ENTPD1: variants seen among roughly 807,000 people sequenced by gnomAD.
The protein encoded by ENTPD1 is ectonucleoside triphosphate diphosphohydrolase 1.
Under a neutral mutation model 57.0 loss-of-function variants are expected in ENTPD1, and 33 were observed. The ratio of observed to expected loss-of-function variants is 0.58; its 90% CI spans 0.44 to 0.77. The LOEUF (loss-of-function observed/expected upper bound fraction) is 0.77, where lower values mean the gene tolerates loss of function less well. Among genes scored for constraint, ENTPD1 ranks in the 30% least tolerant of loss-of-function variants. The pLI, the probability that ENTPD1 is intolerant of heterozygous loss-of-function variation, is 0.00. For synonymous variants in ENTPD1, 202 were observed against 218.8 expected (o/e 0.92, Z 0.68); for missense variants, 501 against 603.4 (o/e 0.83, Z 1.78).
intron 9 of ENTPD1, 97 bp downstream of exon 9, chr10:95,864,958 T>A: frequency 7.2e-7 from 1 of 1,393,752 alleles, no homozygotes; most frequent in South Asian, 1.3e-5. Context: ...CAGCATGGTG[T>A]AGCTTTGGCT....
Position 95,714,470 on chromosome 10 carries a change from T to C in ENTPD1, c.37+2477T>C, listed in dbSNP as rs1047210625. On this transcript the variant is annotated intron_variant, in intron 1 of 9. Transcript: ENST00000453258. ...ATTGTAACTAACCACTGTTCTCTTT[T>C]GGAGGCATAGTGCCTTAATAAATGT... Among the ~76,000 whole-genome samples the C allele has an allele frequency of 3.3e-5, 5 of 152,354 alleles. No homozygotes were observed. The South Asian group carries it at 8.3e-4, about 25-fold the overall frequency.
At chr10:95,754,296 A>T (rs1039175038), upstream of ENTPD1, 2 of 148,686 alleles carry the variant, frequency 1.3e-5, no homozygotes, top group African/African-American at 2.5e-5. Context: ...AGACAAGAGT[A>T]AAACTCTTGT....
intron 1 of ENTPD1, among the ~76,000 whole-genome samples, chr10:95,739,498 T>G (rs1276277275): frequency 6.6e-6 from 1 of 152,254 alleles, no homozygotes; most frequent in African/African-American, 2.4e-5. Context: ...GTTTCTTTGC[T>G]TATCCATAAG....
At chr10:95,740,694 C>A (rs1395746259) in intron 1 of ENTPD1, among the ~76,000 whole-genome samples, 1 of 152,152 alleles carries the variant, frequency 6.6e-6, no homozygotes, top group Non-Finnish European at 1.5e-5. Context: ...TTCGTGTAGC[C>A]ACTTTCATCA....
chr10:95,698,660 CA>C, the ENTPD1 span, among the ~76,000 whole-genome samples: 5 of 152,234 alleles, frequency 3.3e-5, no homozygotes, highest in African/African-American at 1.2e-4. Flanking sequence ...GCTCACTGCC[CA>C]GGGCCACCTC....
At chr10:95,850,449 T>C (rs1011383001) in intron 7 of ENTPD1, among the ~76,000 whole-genome samples, 1 of 152,172 alleles carries the variant, frequency 6.6e-6, no homozygotes, top group Admixed American at 6.5e-5. Context: ...ATCTACCTCA[T>C]TGATAGTTGT....
chr10:95,815,359 AAC>A (rs1217427265), intron 1 of ENTPD1, among the ~76,000 whole-genome samples: 2 of 152,230 alleles, frequency 1.3e-5, no homozygotes, highest in Admixed American at 1.3e-4. Flanking sequence ...CTTCCTGAGA[AAC>A]ACAGTCTCAG....
the ENTPD1 span, among the ~76,000 whole-genome samples, chr10:95,704,494 A>G: frequency 6.6e-6 from 1 of 152,202 alleles, no homozygotes; most frequent in African/African-American, 2.4e-5. Flanking sequence ...AGACCCACAC[A>G]TATGTAGTCA....
intron 3 of ENTPD1, among the ~76,000 whole-genome samples, chr10:95,841,451 T>G (rs2098422533): frequency 6.6e-6 from 1 of 152,172 alleles, no homozygotes; most frequent in South Asian, 2.1e-4. Flanking sequence ...GGCCTAACAA[T>G]GAAGGATTCT....
At chr10:95,743,260 T>C (rs1003745424) in intron 1 of ENTPD1, among the ~76,000 whole-genome samples, 19 of 152,354 alleles carry the variant, frequency 1.2e-4, no homozygotes, top group African/African-American at 4.3e-4. Flanking sequence ...AGTTATGCAC[T>C]TTTTGGAGGA....
upstream of ENTPD1, among the ~76,000 whole-genome samples, chr10:95,707,042 G>A (rs1173227882): frequency 6.6e-6 from 1 of 152,192 alleles, no homozygotes; most frequent in African/African-American, 2.4e-5. Context: ...TGCAGAGATG[G>A]CCGGGTCCTG....
chr10:95,865,610 A>T (rs936410176), intron 9 of ENTPD1, among the ~76,000 whole-genome samples: 24 of 152,130 alleles, frequency 1.6e-4, no homozygotes, highest in African/African-American at 5.5e-4. Flanking sequence ...GTGTCCTTAC[A>T]CTCTTGTCAG....
chr10:95,819,888 C>T (rs1393672544), intron 1 of ENTPD1, among the ~76,000 whole-genome samples: 1 of 152,172 alleles, frequency 6.6e-6, no homozygotes, highest in Admixed American at 6.5e-5. Context: ...TACCATTTCA[C>T]ATTGTATGAC....
intron 1 of ENTPD1, among the ~76,000 whole-genome samples, chr10:95,774,916 T>G (rs2098128179): frequency 6.6e-6 from 1 of 152,352 alleles, no homozygotes; most frequent in Admixed American, 6.5e-5. Context: ...ACAAATTACC[T>G]TGGGCAGTAT....
chr10:95,787,484 A>C (rs2098184914), intron 1 of ENTPD1, among the ~76,000 whole-genome samples: 1 of 152,228 alleles, frequency 6.6e-6, no homozygotes, highest in African/African-American at 2.4e-5. Flanking sequence ...AAAATATAGA[A>C]GTATGAGACT....
At chr10:95,726,505 T>C (rs6584020) in intron 1 of ENTPD1, among the ~76,000 whole-genome samples, 25,388 of 152,184 alleles carry the variant, frequency 0.17, 2,541 homozygotes, top group African/African-American at 0.27. Flanking sequence ...GAGACTGTCT[T>C]AATTTTCCTT....
At chr10:95,829,891 G>A (rs935326713) in intron 2 of ENTPD1, among the ~76,000 whole-genome samples, 1 of 152,058 alleles carries the variant, frequency 6.6e-6, no homozygotes, top group Admixed American at 6.6e-5. Context: ...ATGGATAAAT[G>A]GATTGAGTTA....
chr10:95,779,937 A>G (rs1209353955), intron 1 of ENTPD1, among the ~76,000 whole-genome samples: 1 of 152,088 alleles, frequency 6.6e-6, no homozygotes, highest in Admixed American at 6.6e-5. Context: ...GTTATTCTCA[A>G]TTTAGATGTG....
At chr10:95,717,280 G>A (rs2097972610) in intron 1 of ENTPD1, among the ~76,000 whole-genome samples, 1 of 151,170 alleles carries the variant, frequency 6.6e-6, no homozygotes, top group African/African-American at 2.4e-5. Flanking sequence ...ACCTAGATGT[G>A]GTTCTCTTTG....
Sources: gnomAD v4.1 joint callset for allele counts (sites outside exome capture counted in the v4.1 genomes callset) on GRCh38, gnomAD v4.1.1 for gene constraint, MANE v1.5 for transcripts, NCBI Gene and HGNC (gene_info 2026-07-23, HGNC 2026-07-21) for gene names.